SLC30A3: variants seen among roughly 807,000 people sequenced by gnomAD.
SLC30A3 encodes the protein probable proton-coupled zinc antiporter SLC30A3.
Under a neutral mutation model 35.6 loss-of-function variants are expected in SLC30A3, and 20 were observed. The observed-to-expected ratio is 0.56, with a 90% CI of 0.39 to 0.82. The LOEUF is 0.82. Ranked by LOEUF, SLC30A3 falls within the 40% of genes least tolerant of loss-of-function variation. SLC30A3 has a pLI of 0.00. For missense variants in SLC30A3, 401 were observed against 530.6 expected (o/e 0.76, Z 2.40); for synonymous variants, 217 against 224.7 (o/e 0.97, Z 0.31).
rs899011134 is a variant in SLC30A3 at position 27,256,699 on chromosome 2, T to C, written c.883+89A>G. ...CCCCATGAGCCAAGCCTTCTTCCCG[T>C]ACTATCTTCAAAGAAAAAAGTGATG... On this transcript the variant is annotated intron_variant, in intron 6 of 7. Transcript: ENST00000233535. 1.2e-5 allele frequency: 16 copies of C among 1,283,380 alleles called. No homozygotes were observed. In the African/African-American group the frequency reaches 1.8e-4, roughly 14 times the overall value. The allele number at this position is 1,283,380 out of a possible 1,614,324, so 79.5% of individuals were successfully genotyped here.
chr2:27,275,016 G>A (rs1677941344), intron 1 of SLC30A3, among the ~76,000 whole-genome samples: 1 of 152,230 alleles, frequency 6.6e-6, no homozygotes, highest in Admixed American at 6.5e-5. Context: ...CTGGGAGAGT[G>A]AATGATGGAG....
At chr2:27,270,327 G>A (rs1677677899) in intron 1 of SLC30A3, among the ~76,000 whole-genome samples, 1 of 152,132 alleles carries the variant, frequency 6.6e-6, no homozygotes, top group Admixed American at 6.6e-5. Context: ...CTGCTTGGGA[G>A]GACTGGGGGC....
At position 27,256,499 on chromosome 2, in the gene SLC30A3, A is replaced by C; in HGVS notation, c.905T>G (p.Phe302Cys). The C allele has an allele frequency of 6.2e-7, 1 of 1,613,940 alleles. No homozygotes were observed. The highest frequency in any genetic ancestry group is 1.1e-5 in the South Asian group (1 of 91,068). ...LMEGTPRNVGFEPVRDTLLSV... is the reference protein window; with the variant it reads ...LMEGTPRNVGCEPVRDTLLSV... The stretch of plus-strand genomic sequence containing the variant: ...CAACAGCGTATCCCGCACAGGTTCG[A>C]ACCCCACATTGCGGGGGGTACCTGC... Residue 302 changes from phenylalanine to cysteine, a missense_variant, in exon 7 of 8, where the codon TTC becomes TGC. By Grantham distance (205) the Phe-to-Cys change is radical. Transcript: ENST00000233535.
In SLC30A3 at chr2:27,258,946, A is replaced by G; in HGVS notation, c.96-12T>C. On this transcript the variant is annotated splice_polypyrimidine_tract_variant and intron_variant, in intron 1 of 7. Transcript: ENST00000233535. This position sits in a 1 kb window ranked among gnomAD's most constrained non-coding sequence, Gnocchi z 4.0. ...GCTCTGTGAAGAGACTGAGGCAAGC[A>G]ACATGGTTCAACCTGGGCCTGGCCC... is the stretch of plus-strand genomic sequence containing the variant. The G allele has an allele frequency of 1.3e-6, 2 of 1,570,286 alleles. No homozygotes were observed. The highest frequency in any genetic ancestry group is 1.7e-6 in the Non-Finnish European group (2 of 1,158,396).
chr2:27,256,516 G>A lies in SLC30A3; in HGVS notation c.888C>T (p.Thr296=). Residue 296 remains threonine (T), a synonymous_variant, in exon 7 of 8, where the codon ACC becomes ACT. Coordinates refer to ENST00000233535, the MANE Select transcript of SLC30A3 (RefSeq NM_003459.5). The stretch of plus-strand genomic sequence containing the variant: ...CAGGTTCGAACCCCACATTGCGGGG[G>A]GTACCTGCAACCAGCACCAGTCATG... ...RDVLRILMEG[T]PRNVGFEPVR... is the part of the protein sequence containing the mutation. 1 of 1,613,920 alleles carries A rather than the reference G, an allele frequency of 6.2e-7. No homozygotes were observed. Among genetic ancestry groups the A allele is most frequent in the Non-Finnish European group, 8.5e-7 (1 of 1,180,010 alleles).
intron 1 of SLC30A3, among the ~76,000 whole-genome samples, chr2:27,269,275 G>A (rs989296568): frequency 3.4e-5 from 5 of 145,048 alleles, no homozygotes; most frequent in African/African-American, 1.0e-4. Flanking sequence ...GCACGATCTC[G>A]GCTCACTGCA....
chr2:27,261,653 C>T (rs887853595), intron 1 of SLC30A3, among the ~76,000 whole-genome samples: 1 of 152,090 alleles, frequency 6.6e-6, no homozygotes, highest in Non-Finnish European at 1.5e-5. Flanking sequence ...TGTTTAGAGA[C>T]AAGGAAAGGC....
In SLC30A3 at chr2:27,271,525, G is replaced by A. The variant is rs762502193; in HGVS notation, c.-159+3652C>T. 1.3e-5 allele frequency among the ~76,000 whole-genome samples: 2 copies of A among 152,164 alleles called. No individual in the cohort carries two copies. Among genetic ancestry groups the A allele is most frequent in the African/African-American group, 2.4e-5 (1 of 41,442 alleles). ...GTCTTGACATCAACCCTGTGAAATG[G>A]CACAGGTTTTTATAGAAGAGGAAAA... On this transcript the variant is annotated intron_variant, in intron 1 of 5. Coordinates refer to the SLC30A3 transcript ENST00000424577. The surrounding 1 kb of genome is among the most constrained non-coding windows in gnomAD (Gnocchi z 4.3).
chr2:27,268,549 C>A (rs552028001), intron 1 of SLC30A3, among the ~76,000 whole-genome samples: 3 of 152,030 alleles, frequency 2.0e-5, no homozygotes, highest in Non-Finnish European at 2.9e-5. Context: ...GTCAGGAGAT[C>A]GAGACCATCC....
At chr2:27,273,316 G>A (rs538089164) in intron 1 of SLC30A3, among the ~76,000 whole-genome samples, 5 of 152,232 alleles carry the variant, frequency 3.3e-5, no homozygotes, top group East Asian at 1.9e-4. Context: ...AGAGGAAAGC[G>A]GTGGAGCAGA....
In SLC30A3 at chr2:27,255,903, A is replaced by C. The variant is rs1031182005; in HGVS notation, c.1019-443T>G. On this transcript the variant is annotated intron_variant, in intron 7 of 7. Coordinates refer to ENST00000233535, the MANE Select transcript of SLC30A3 (RefSeq NM_003459.5). The surrounding 1 kb of genome is among the most constrained non-coding windows in gnomAD (Gnocchi z 5.2). ...CTCAAAAATCCTTTGTCAGCTCATG[A>C]CTCACCATATATATTTTTAATAGTT... 11 of 211,608 alleles carry C rather than the reference A, an allele frequency of 5.2e-5. No individual in the cohort carries two copies. Among genetic ancestry groups the C allele is most frequent in the Non-Finnish European group, 9.5e-5 (10 of 104,930 alleles). The allele number at this position is 211,608 out of a possible 1,614,324, so 13.1% of individuals were successfully genotyped here.
chr2:27,257,689 G>C lies in SLC30A3; in HGVS notation c.578+216C>G, dbSNP rs937650910. 6.6e-6 allele frequency: 4 copies of C among 608,800 alleles called. No homozygotes were observed. The Admixed American group carries it at 8.9e-5, about 13-fold the overall frequency. The allele number at this position is 608,800 out of a possible 1,614,324, so 37.7% of individuals were successfully genotyped here. On this transcript the variant is annotated intron_variant, in intron 4 of 7. Transcript: ENST00000233535. This position sits in a 1 kb window ranked among gnomAD's most constrained non-coding sequence, Gnocchi z 4.7. ...ATCATGTTGATGAAAGCCCTCATCA[G>C]AGTGGCTGGCCCATGGCAGGCCCTT...
At chr2:27,263,256 T>C, upstream of SLC30A3, 1 of 519,722 alleles carries the variant, frequency 1.9e-6, no homozygotes. Flanking sequence ...CACAGCCCCG[T>C]CCCCCAGGCG....
chr2:27,255,670 C>G lies in SLC30A3; in HGVS notation c.1019-210G>C, dbSNP rs1275138170. On this transcript the variant is annotated intron_variant, in intron 7 of 7. Coordinates refer to ENST00000233535, the MANE Select transcript of SLC30A3 (RefSeq NM_003459.5). The surrounding 1 kb of genome is among the most constrained non-coding windows in gnomAD (Gnocchi z 5.2). ...ATCAACCATGCTAACACACTAAACT[C>G]TTTCCAGTCTCCTATTCTCTCCTGT... is the stretch of plus-strand genomic sequence containing the variant. 2 of 581,568 alleles carry G rather than the reference C, an allele frequency of 3.4e-6. No homozygotes were observed. The highest frequency in any genetic ancestry group is 6.1e-6 in the Non-Finnish European group (2 of 328,532). 36.0% of individuals were successfully genotyped at this position (581,568 alleles called of 1,614,324 possible).
intron 1 of SLC30A3, among the ~76,000 whole-genome samples, chr2:27,260,414 A>G (rs1235854517): frequency 1.3e-5 from 2 of 152,152 alleles, no homozygotes; most frequent in Non-Finnish European, 2.9e-5. Flanking sequence ...TGACAAATGA[A>G]TGGGGCTTGG....
At chr2:27,264,338 C>CA (rs764818596), upstream of SLC30A3, among the ~76,000 whole-genome samples, 50 of 152,008 alleles carry the variant, frequency 3.3e-4, no homozygotes, top group Admixed American at 1.6e-3. This position sits in a 1 kb window ranked among gnomAD's most constrained non-coding sequence, Gnocchi z 6.1. Flanking sequence ...AGTGCACTTG[C>CA]AAAAAAACAA....
At chr2:27,256,630 C>A in intron 6 of SLC30A3, 110 bp from the exon 7 acceptor site, 1 of 1,463,480 alleles carries the variant, frequency 6.8e-7, no homozygotes, top group South Asian at 1.2e-5. Context: ...TCCTTTTGAC[C>A]CCTACAATTC....
intron 1 of SLC30A3, among the ~76,000 whole-genome samples, chr2:27,260,335 T>C (rs530423500): frequency 2.6e-5 from 4 of 152,254 alleles, no homozygotes. Flanking sequence ...AGCATGTTAA[T>C]TGGACTTCAG....
intron 1 of SLC30A3, among the ~76,000 whole-genome samples, chr2:27,270,292 G>T: frequency 6.6e-6 from 1 of 152,180 alleles, no homozygotes; most frequent in Non-Finnish European, 1.5e-5. Context: ...CAGAGGAAAT[G>T]AGAGTGGTAA....
Sources: gnomAD v4.1 joint callset for allele counts (sites outside exome capture counted in the v4.1 genomes callset) on GRCh38, gnomAD v4.1.1 for gene constraint, Gnocchi (gnomAD v3.1) non-coding constraint, MANE v1.5 for transcripts, NCBI Gene and HGNC (gene_info 2026-07-23, HGNC 2026-07-21) for gene names.